THSD7A: variants seen among roughly 807,000 people sequenced by gnomAD.
THSD7A encodes the protein thrombospondin type-1 domain-containing protein 7A.
Under a neutral mutation model 231.3 loss-of-function variants are expected in THSD7A, and 96 were observed. The ratio of observed to expected loss-of-function variants is 0.41; its 90% confidence interval spans 0.35 to 0.49. The LOEUF (loss-of-function observed/expected upper bound fraction) is 0.49. Ranked by LOEUF, THSD7A falls within the 20% of genes least tolerant of loss-of-function variation. The pLI, the probability that THSD7A is intolerant of heterozygous loss-of-function variation, is 0.05. For synonymous variants in THSD7A, 940 were observed against 743.3 expected (o/e 1.26, Z -4.30); for missense variants, 2,290 against 2,070.2 (o/e 1.11, Z -2.06).
chr7:11,794,088 T>C (rs1784047586), intron 1 of THSD7A, among the ~76,000 whole-genome samples: 1 of 151,914 alleles, frequency 6.6e-6, no homozygotes, highest in African/African-American at 2.4e-5. Flanking sequence ...TTTTCTTAAG[T>C]TCTATATTCC....
intron 1 of THSD7A, among the ~76,000 whole-genome samples, chr7:11,781,902 T>C (rs1783643260): frequency 2.0e-5 from 3 of 152,190 alleles, no homozygotes; most frequent in Admixed American, 2.0e-4. Context: ...CCACAGTCGA[T>C]ACATTTTGAG....
intron 23 of THSD7A, chr7:11,385,376 G>A (rs1782690376): frequency 6.6e-6 from 1 of 152,030 alleles, no homozygotes. Flanking sequence ...CCAAGAGCCT[G>A]CCTCTAATGT....
chr7:11,533,151 T>C (rs1788773445), intron 6 of THSD7A, among the ~76,000 whole-genome samples: 1 of 152,170 alleles, frequency 6.6e-6, no homozygotes. Context: ...TTTAAGGGTG[T>C]TGCATTGATA....
chr7:11,782,773 G>A (rs1350891445), intron 1 of THSD7A, among the ~76,000 whole-genome samples: 3 of 152,086 alleles, frequency 2.0e-5, no homozygotes, highest in Non-Finnish European at 4.4e-5. Flanking sequence ...GCTATAGAAA[G>A]TTAAATGAAT....
intron 2 of THSD7A, among the ~76,000 whole-genome samples, chr7:11,611,460 A>G: frequency 6.6e-6 from 1 of 151,912 alleles, no homozygotes; most frequent in East Asian, 1.9e-4. Flanking sequence ...CAAGAGATCT[A>G]GTATATTACT....
intron 6 of THSD7A, among the ~76,000 whole-genome samples, chr7:11,540,278 C>T (rs1789089228): frequency 1.3e-5 from 2 of 152,182 alleles, no homozygotes; most frequent in African/African-American, 4.8e-5. Flanking sequence ...TACTGTCTCG[C>T]ATGACTATAT....
chr7:11,450,255 T>C (rs980168156), intron 11 of THSD7A, among the ~76,000 whole-genome samples: 3 of 152,050 alleles, frequency 2.0e-5, no homozygotes, highest in Admixed American at 6.6e-5. Flanking sequence ...ACTATTCACA[T>C]AAACTGGAAT....
intron 2 of THSD7A, among the ~76,000 whole-genome samples, chr7:11,617,663 C>T (rs946465491): frequency 1.3e-5 from 2 of 152,114 alleles, no homozygotes; most frequent in Admixed American, 6.6e-5. Context: ...TTTGTTGTTA[C>T]GTTAGATTTA....
intron 6 of THSD7A, among the ~76,000 whole-genome samples, chr7:11,486,055 C>T (rs1016161941): frequency 1.3e-5 from 2 of 152,094 alleles, no homozygotes; most frequent in African/African-American, 4.8e-5. Flanking sequence ...CAAATAAAAT[C>T]AAATAAAAAG....
chr7:11,772,985 T>C (rs1040176272), intron 1 of THSD7A, among the ~76,000 whole-genome samples: 2 of 152,084 alleles, frequency 1.3e-5, no homozygotes, highest in South Asian at 2.1e-4. Flanking sequence ...GAAAAGAAAC[T>C]ACAGTGATTA....
At chr7:11,784,170 C>T (rs966765316) in intron 1 of THSD7A, among the ~76,000 whole-genome samples, 1 of 151,414 alleles carries the variant, frequency 6.6e-6, no homozygotes, top group Non-Finnish European at 1.5e-5. Flanking sequence ...TTCCAGAAAA[C>T]CATATATATG....
chr7:11,791,757 G>A (rs889358288), intron 1 of THSD7A, among the ~76,000 whole-genome samples: 4 of 151,864 alleles, frequency 2.6e-5, no homozygotes, highest in Non-Finnish European at 5.9e-5. Flanking sequence ...TTTCCTACCT[G>A]CTAAAGTCAC....
chr7:11,459,453 G>A (rs1785420267), intron 11 of THSD7A, among the ~76,000 whole-genome samples: 3 of 151,966 alleles, frequency 2.0e-5, no homozygotes, highest in Admixed American at 6.6e-5. Flanking sequence ...GGAGGAGAAC[G>A]ACTTTCAGTT....
intron 6 of THSD7A, among the ~76,000 whole-genome samples, chr7:11,540,217 G>A (rs549157124): frequency 4.6e-5 from 7 of 152,296 alleles, no homozygotes; most frequent in African/African-American, 1.7e-4. Context: ...CTGGAGCAAT[G>A]ATCTCCTTCT....
intron 9 of THSD7A, among the ~76,000 whole-genome samples, chr7:11,463,580 C>A (rs1238623136): frequency 6.6e-6 from 1 of 152,054 alleles, no homozygotes; most frequent in Non-Finnish European, 1.5e-5. Flanking sequence ...AATTATTATT[C>A]CCGTTGTGGG....
At chr7:11,569,390 G>T (rs996567951) in intron 4 of THSD7A, among the ~76,000 whole-genome samples, 2 of 152,066 alleles carry the variant, frequency 1.3e-5, no homozygotes, top group Non-Finnish European at 2.9e-5. Flanking sequence ...TTTCTTAAAA[G>T]AATACATACA....
intron 1 of THSD7A, among the ~76,000 whole-genome samples, chr7:11,677,511 C>A (rs1021160264): frequency 1.4e-5 from 2 of 141,716 alleles, no homozygotes; most frequent in South Asian, 4.5e-4. Context: ...TTCAGGAGAC[C>A]CATCTTACAT....
intron 6 of THSD7A, among the ~76,000 whole-genome samples, chr7:11,491,776 A>G (rs1434427484): frequency 1.3e-5 from 2 of 152,142 alleles, no homozygotes; most frequent in Non-Finnish European, 2.9e-5. Flanking sequence ...GGGATGAAAT[A>G]CAGCTCCTGT....
In THSD7A at chr7:11,774,756, A is replaced by G. The variant is rs558448823; in HGVS notation, c.190+57001T>C. 4.6e-5 allele frequency among the ~76,000 whole-genome samples: 7 copies of G among 152,328 alleles called. No individual in the cohort carries two copies. In the South Asian group the frequency reaches 1.4e-3, roughly 32 times the overall value. On this transcript the variant is annotated intron_variant, in intron 1 of 27. Coordinates refer to ENST00000423059, the MANE Select transcript of THSD7A (RefSeq NM_015204.3). Reference sequence around the variant, plus strand: ...TATTTCTATCTGAATATGTAGCCTAAGAAACTAAAGACATAAGGCCAGGTG... The same window carrying G: ...TATTTCTATCTGAATATGTAGCCTAGGAAACTAAAGACATAAGGCCAGGTG...
Sources: allele counts gnomAD v4.1 joint callset (sites outside exome capture counted in the v4.1 genomes callset), GRCh38; gene constraint gnomAD v4.1.1; transcripts MANE v1.5; gene names NCBI Gene and HGNC (gene_info 2026-07-23, HGNC 2026-07-21).